PRMT8: variants seen among roughly 807,000 people sequenced by gnomAD.
PRMT8 encodes protein arginine N-methyltransferase 8.
In PRMT8, 7 loss-of-function variants were observed where a neutral mutation model predicts 47.1. That is an observed-to-expected ratio of 0.15 (90% CI 0.08 to 0.28). PRMT8 has a LOEUF of 0.28. Ranked by LOEUF, PRMT8 falls within the 10% of genes least tolerant of loss-of-function variation. The pLI is 1.00. For missense variants in PRMT8, 237 were observed against 505.4 expected (o/e 0.47, Z 5.09); for synonymous variants, 188 against 186.5 (o/e 1.01, Z -0.07).
At chr12:3,558,410 C>T (rs1358732773) in intron 4 of PRMT8, among the ~76,000 whole-genome samples, 11 of 152,156 alleles carry the variant, frequency 7.2e-5, no homozygotes, top group Admixed American at 7.2e-4. Flanking sequence ...TTCAAACCAA[C>T]GAGGACATTT....
chr12:3,562,008 G>A (rs1034469105), intron 4 of PRMT8, among the ~76,000 whole-genome samples: 1 of 152,200 alleles, frequency 6.6e-6, no homozygotes, highest in Admixed American at 6.5e-5. Flanking sequence ...CATGGTGGAA[G>A]TATCTATACC....
chr12:3,537,710 C>T (rs1178606840), intron 1 of PRMT8, among the ~76,000 whole-genome samples: 1 of 152,152 alleles, frequency 6.6e-6, no homozygotes, highest in Non-Finnish European at 1.5e-5. Flanking sequence ...GATTCCAGCT[C>T]CTCTCTCTTC....
chr12:3,419,690 C>T (rs1225918683), intron 1 of PRMT8, among the ~76,000 whole-genome samples: 1 of 152,112 alleles, frequency 6.6e-6, no homozygotes, highest in Non-Finnish European at 1.5e-5. Flanking sequence ...ACTCTTTATT[C>T]CCTCCTATCC....
chr12:3,525,226 A>C (rs1300135558), intron 1 of PRMT8, among the ~76,000 whole-genome samples: 1 of 152,164 alleles, frequency 6.6e-6, no homozygotes, highest in East Asian at 1.9e-4. Flanking sequence ...TGTCTCAAAA[A>C]AAAAGAGAAC....
intron 4 of PRMT8, among the ~76,000 whole-genome samples, chr12:3,561,647 C>T (rs1866639952): frequency 6.6e-6 from 1 of 152,200 alleles, no homozygotes; most frequent in African/African-American, 2.4e-5. Context: ...GTCATGAATC[C>T]ACACAGTACT....
At chr12:3,471,809 G>T (rs1428401144) in intron 1 of PRMT8, among the ~76,000 whole-genome samples, 1 of 151,986 alleles carries the variant, frequency 6.6e-6, no homozygotes, top group Non-Finnish European at 1.5e-5. Flanking sequence ...CTGGAGGCAG[G>T]CGCCCGTCCC....
At chr12:3,459,575 C>T (rs1292867532) in intron 1 of PRMT8, among the ~76,000 whole-genome samples, 2 of 152,298 alleles carry the variant, frequency 1.3e-5, no homozygotes, top group East Asian at 1.9e-4. Context: ...TATGCAAACA[C>T]TATGCCAAAA....
At chr12:3,430,049 G>A (rs1864657400) in intron 1 of PRMT8, among the ~76,000 whole-genome samples, 1 of 152,216 alleles carries the variant, frequency 6.6e-6, no homozygotes, top group Non-Finnish European at 1.5e-5. Flanking sequence ...TCAGCTGGGA[G>A]CACCGGCAGA....
At chr12:3,559,885 A>T (rs909706287) in intron 4 of PRMT8, among the ~76,000 whole-genome samples, 7 of 152,146 alleles carry the variant, frequency 4.6e-5, no homozygotes, top group Non-Finnish European at 8.8e-5. Flanking sequence ...TGGCTTTAGC[A>T]TGGAATCGTT....
At chr12:3,479,210 G>A (rs2137100268) in intron 1 of PRMT8, among the ~76,000 whole-genome samples, 1 of 152,328 alleles carries the variant, frequency 6.6e-6, no homozygotes, top group East Asian at 1.9e-4. Flanking sequence ...AACCAAGTGG[G>A]ACTAATGTTC....
intron 1 of PRMT8, among the ~76,000 whole-genome samples, chr12:3,495,909 T>C (rs1865497434): frequency 6.6e-6 from 1 of 152,162 alleles, no homozygotes; most frequent in Non-Finnish European, 1.5e-5. Context: ...AGTCAAATCA[T>C]GGGTACATTT....
At chr12:3,573,086 T>C (rs1336529922) in intron 6 of PRMT8, among the ~76,000 whole-genome samples, 1 of 152,194 alleles carries the variant, frequency 6.6e-6, no homozygotes, top group Non-Finnish European at 1.5e-5. Flanking sequence ...TTCTGCCTGA[T>C]TATCTTTCTC....
rs1036188616 is a variant in PRMT8, at chr12:3,454,724, T to C, written c.48+73282T>C. Among the ~76,000 whole-genome samples the C allele has an allele frequency of 2.3e-4, 35 of 152,160 alleles. 1 individual carries two copies. The highest frequency in any genetic ancestry group is 8.0e-4 in the African/African-American group (33 of 41,424). ...CAAACCCAGCTTGCAGCGCACTTCG[T>C]GTTCACCGCGGGTCGGCCTGCGCTC... On this transcript the variant is annotated intron_variant, in intron 1 of 9. Transcript: ENST00000452611.
chr12:3,430,097 T>C (rs1864658487), intron 1 of PRMT8, among the ~76,000 whole-genome samples: 1 of 152,222 alleles, frequency 6.6e-6, no homozygotes, highest in South Asian at 2.1e-4. Flanking sequence ...GAGTGAGCAG[T>C]TCCTGTCCCT....
At chr12:3,467,891 C>T (rs1865119540) in intron 1 of PRMT8, among the ~76,000 whole-genome samples, 1 of 152,184 alleles carries the variant, frequency 6.6e-6, no homozygotes, top group African/African-American at 2.4e-5. Flanking sequence ...CTGTGGGCCA[C>T]CTGGCACCTC....
Position 3,547,407 on chromosome 12 carries a change from A to G in PRMT8, c.262-2529A>G, listed in dbSNP as rs143870997. ...AATATGTGAAGAGAGAAAGGCTGCAAAATACAAGGTCATGTATACACCAAC... is the reference window on the plus strand; with the variant it reads ...AATATGTGAAGAGAGAAAGGCTGCAGAATACAAGGTCATGTATACACCAAC... On this transcript the variant is annotated intron_variant, in intron 2 of 9. Coordinates refer to ENST00000382622, the MANE Select transcript of PRMT8 (RefSeq NM_019854.5). 7.2e-4 allele frequency among the ~76,000 whole-genome samples: 110 copies of G among 152,338 alleles called. 2 individuals are homozygous for G. In the East Asian group the frequency reaches 0.02, roughly 28 times the overall value.
chr12:3,569,115 T>C lies in PRMT8; in HGVS notation c.624+267T>C, dbSNP rs1428483644. On this transcript the variant is annotated intron_variant, in intron 5 of 9. Coordinates refer to ENST00000382622, the MANE Select transcript of PRMT8 (RefSeq NM_019854.5). This position sits in a 1 kb window ranked among gnomAD's most constrained non-coding sequence, Gnocchi z 8.2. ...CAGACATCCGTTCTCTCTTGTCGAGTTAAAGGTCCGTTTCGGTCAGCAAGT... is the reference window on the plus strand; with the variant it reads ...CAGACATCCGTTCTCTCTTGTCGAGCTAAAGGTCCGTTTCGGTCAGCAAGT... Among the ~76,000 whole-genome samples, 1 of 152,102 alleles carries C rather than the reference T, an allele frequency of 6.6e-6. No individual in the cohort carries two copies. Among genetic ancestry groups the C allele is most frequent in the Non-Finnish European group, 1.5e-5 (1 of 68,012 alleles).
chr12:3,549,841 A>G, intron 2 of PRMT8, 95 bp from the exon 3 acceptor site: 3 of 1,441,788 alleles, frequency 2.1e-6, no homozygotes, highest in South Asian at 1.3e-5. Flanking sequence ...GGTCTCCTGA[A>G]GGGTCACCTG....
rs139662262 is a variant in PRMT8 at position 3,462,139 on chromosome 12, C to T, written c.49-78467C>T. ...GTGCCCACTTATAAGTGAGAACTTG[C>T]GGTATTTGGTTTTCTGTTCTTGTGT... is the stretch of plus-strand genomic sequence containing the variant. On this transcript the variant is annotated intron_variant, in intron 1 of 9. Coordinates refer to the PRMT8 transcript ENST00000452611. Among the ~76,000 whole-genome samples, 86 of 152,010 alleles carry T rather than the reference C, an allele frequency of 5.7e-4. 2 individuals are homozygous for T. In the East Asian group the frequency reaches 8.9e-3, roughly 16 times the overall value.
Sources: gnomAD v4.1 joint callset for allele counts (sites outside exome capture counted in the v4.1 genomes callset) on GRCh38, gnomAD v4.1.1 for gene constraint, Gnocchi (gnomAD v3.1) non-coding constraint, MANE v1.5 for transcripts, NCBI Gene and HGNC (gene_info 2026-07-23, HGNC 2026-07-21) for gene names.